The following DPYSL2 variants were observed in gnomAD, a reference collection of about 807,000 sequenced individuals.
DPYSL2 encodes dihydropyrimidinase-related protein 2.
A neutral mutation model predicts 69.9 loss-of-function variants in DPYSL2; 13 were observed. The ratio of observed to expected loss-of-function variants is 0.19; its 90% CI spans 0.12 to 0.30. The LOEUF (loss-of-function observed/expected upper bound fraction) is 0.30, where lower values mean the gene tolerates loss of function less well. Ranked by LOEUF, DPYSL2 falls within the 10% of genes least tolerant of loss-of-function variation. DPYSL2 has a pLI of 1.00. For missense variants in DPYSL2, 587 were observed against 918.9 expected (o/e 0.64, Z 4.67); for synonymous variants, 326 against 359.1 (o/e 0.91, Z 1.04).
chr8:26,631,240 A>G (rs1443721315), intron 7 of DPYSL2, among the ~76,000 whole-genome samples: 2 of 152,216 alleles, frequency 1.3e-5, no homozygotes, highest in Admixed American at 1.3e-4. Flanking sequence ...TATAAAGAAA[A>G]GAGATTTAAT....
chr8:26,568,973 G>A (rs1801194760), intron 1 of DPYSL2, among the ~76,000 whole-genome samples: 1 of 152,128 alleles, frequency 6.6e-6, no homozygotes, highest in Non-Finnish European at 1.5e-5. Flanking sequence ...CAGTAGAAAA[G>A]GAATCTGCTC....
intron 1 of DPYSL2, among the ~76,000 whole-genome samples, chr8:26,528,419 C>T (rs1315800889): frequency 2.6e-5 from 4 of 152,016 alleles, no homozygotes; most frequent in South Asian, 2.1e-4. Context: ...GAGGCTGAGG[C>T]GGGTGGATCC....
rs1010565921 is a variant in DPYSL2, at chr8:26,654,395, C to T, written c.1942+998C>T. 6.6e-6 allele frequency among the ~76,000 whole-genome samples: 1 copy of T among 151,438 alleles called. No homozygotes were observed. Among genetic ancestry groups the T allele is most frequent in the Non-Finnish European group, 1.5e-5 (1 of 67,924 alleles). Reference sequence around the variant, plus strand: ...CTCCCTGGGCCACAGATTCCTATGGCGTATTAAAGAAATTGTTAAACCAGA... The same window carrying T: ...CTCCCTGGGCCACAGATTCCTATGGTGTATTAAAGAAATTGTTAAACCAGA... On this transcript the variant is annotated intron_variant, in intron 13 of 13. Coordinates refer to ENST00000521913, the MANE Select transcript of DPYSL2 (RefSeq NM_001197293.3). This position sits in a 1 kb window ranked among gnomAD's most constrained non-coding sequence, Gnocchi z 5.0.
At position 26,517,922 on chromosome 8, in the gene DPYSL2, G is replaced by A. The variant is rs1808318983; in HGVS notation, c.354+3243G>A. On this transcript the variant is annotated intron_variant, in intron 1 of 13. Transcript: ENST00000521913. The surrounding 1 kb of genome is among the most constrained non-coding windows in gnomAD (Gnocchi z 4.2). Reference sequence around the variant, plus strand: ...CTTCTGGCCCTGGGAGCCCAGTGCTGTGCTGCCCTCTAACTGTACAACGTC... The same window carrying A: ...CTTCTGGCCCTGGGAGCCCAGTGCTATGCTGCCCTCTAACTGTACAACGTC... Among the ~76,000 whole-genome samples, 1 of 152,188 alleles carries A rather than the reference G, an allele frequency of 6.6e-6. No homozygotes were observed. The highest frequency in any genetic ancestry group is 2.1e-4 in the South Asian group (1 of 4,834).
rs1420678012 is a variant in DPYSL2 at position 26,560,104 on chromosome 8, G to T, written c.355-21865G>T. On this transcript the variant is annotated intron_variant, in intron 1 of 13. Transcript: ENST00000521913. The surrounding 1 kb of genome is among the most constrained non-coding windows in gnomAD (Gnocchi z 4.4). ...CTGTTAAAAGAAATAATGCAGATAT[G>T]CTAAGCAGAGTTGGTTTAGCAGAAG... is the stretch of plus-strand genomic sequence containing the variant. Among the ~76,000 whole-genome samples, 1 of 152,220 alleles carries T rather than the reference G, an allele frequency of 6.6e-6. No homozygotes were observed. Among genetic ancestry groups the T allele is most frequent in the African/African-American group, 2.4e-5 (1 of 41,454 alleles).
rs541067685 is a variant in DPYSL2, at chr8:26,534,184, A to AT, written c.354+19513dup. 3.5e-3 allele frequency among the ~76,000 whole-genome samples: 532 copies of AT among 152,036 alleles called. 3 individuals carry two copies. The highest frequency in any genetic ancestry group is 0.012 in the African/African-American group (503 of 41,460). ...ATTTATATGGACTATTTCACTTAAT[A>AT]TTTTTTTTATTTTTGAGACTGAGTC... On this transcript the variant is annotated intron_variant, in intron 1 of 13. Transcript: ENST00000521913.
At chr8:26,551,941 G>C (rs1800880664) in intron 1 of DPYSL2, among the ~76,000 whole-genome samples, 1 of 152,120 alleles carries the variant, frequency 6.6e-6, no homozygotes, top group Non-Finnish European at 1.5e-5. Flanking sequence ...AGTCTCCTGA[G>C]TAGCTGGGAC....
intron 3 of DPYSL2, among the ~76,000 whole-genome samples, chr8:26,602,138 A>ATTTTTTTTTTTTTTTTTTTT (rs374443692): frequency 7.4e-6 from 1 of 135,300 alleles, no homozygotes. Flanking sequence ...AACAAAGGAA[A>ATTTTTTTTTTTTTTTTTTTT]TTTTTTTTTT....
intron 3 of DPYSL2, among the ~76,000 whole-genome samples, chr8:26,604,908 C>A (rs1485960812): frequency 6.6e-6 from 1 of 152,102 alleles, no homozygotes; most frequent in African/African-American, 2.4e-5. Flanking sequence ...TATTCACCCA[C>A]CTCGGCCTCC....
intron 1 of DPYSL2, among the ~76,000 whole-genome samples, chr8:26,574,884 A>C (rs1801302201): frequency 6.6e-6 from 1 of 152,084 alleles, no homozygotes; most frequent in Non-Finnish European, 1.5e-5. Context: ...CCCTGCCCCC[A>C]GTAGCTGGGA....
chr8:26,653,149 G>A lies in DPYSL2; in HGVS notation c.1777-83G>A. ...AGCCCTCCATCCCTAGATCTCACAG[G>A]CCCATCCTCCCTCCAGGAGGGTTTC... On this transcript the variant is annotated intron_variant, in intron 12 of 13. Transcript: ENST00000521913. The surrounding 1 kb of genome is among the most constrained non-coding windows in gnomAD (Gnocchi z 5.7). The A allele has an allele frequency of 1.3e-6, 2 of 1,496,440 alleles. No individual in the cohort carries two copies. The highest frequency in any genetic ancestry group is 1.8e-6 in the Non-Finnish European group (2 of 1,104,182). 92.7% of individuals were successfully genotyped at this position (1,496,440 alleles called of 1,614,324 possible). A position where few individuals can be genotyped will look rare whatever the true frequency, so the allele number is the denominator to read the frequency against.
At chr8:26,554,342 A>T (rs763449645) in intron 1 of DPYSL2, among the ~76,000 whole-genome samples, 14 of 144,318 alleles carry the variant, frequency 9.7e-5, no homozygotes, top group Non-Finnish European at 2.0e-4. Flanking sequence ...GTGTCTGTTC[A>T]TGTCCTTTGC....
chr8:26,639,248 G>A (rs1802988521), intron 8 of DPYSL2, among the ~76,000 whole-genome samples: 1 of 152,124 alleles, frequency 6.6e-6, no homozygotes, highest in South Asian at 2.1e-4. Flanking sequence ...AGAGGAGAGA[G>A]GACAGTAGAG....
At chr8:26,573,814 G>A (rs531200678) in intron 1 of DPYSL2, among the ~76,000 whole-genome samples, 2 of 144,806 alleles carry the variant, frequency 1.4e-5, no homozygotes, top group South Asian at 4.7e-4. Flanking sequence ...TCCAGCCTGG[G>A]CGACAGAGTG....
intron 7 of DPYSL2, among the ~76,000 whole-genome samples, chr8:26,628,692 C>G (rs997812190): frequency 1.3e-5 from 2 of 152,218 alleles, no homozygotes; most frequent in African/African-American, 4.8e-5. Flanking sequence ...AGGGAACCAC[C>G]AGGATTTCCC....
Position 26,565,784 on chromosome 8 carries a change from A to T in DPYSL2, c.355-16185A>T, listed in dbSNP as rs144794076. On this transcript the variant is annotated intron_variant, in intron 1 of 13. Coordinates refer to ENST00000521913, the MANE Select transcript of DPYSL2 (RefSeq NM_001197293.3). This position sits in a 1 kb window ranked among gnomAD's most constrained non-coding sequence, Gnocchi z 4.1. Reference sequence around the variant, plus strand: ...GAGAAAGGTACAGGGTCCCCGCTCCATGCAATTAACTGGAAAGTCAAACTG... The same window carrying T: ...GAGAAAGGTACAGGGTCCCCGCTCCTTGCAATTAACTGGAAAGTCAAACTG... Among the ~76,000 whole-genome samples the T allele has an allele frequency of 1.3e-5, 2 of 152,336 alleles. No homozygotes were observed. The highest frequency in any genetic ancestry group is 4.8e-5 in the African/African-American group (2 of 41,584).
chr8:26,645,889 C>G (rs1201625669), intron 10 of DPYSL2, among the ~76,000 whole-genome samples: 3 of 148,542 alleles, frequency 2.0e-5, no homozygotes, highest in Non-Finnish European at 4.5e-5. Context: ...CTGGGGGAGA[C>G]AGTTTCACTC....
At position 26,653,440 on chromosome 8, in the gene DPYSL2, C is replaced by G; in HGVS notation, c.1942+43C>G. Reference sequence around the variant, plus strand: ...GGAGGGCACAGTTCTGCAGGGCCAGCTCGCTGGTGCTGGCGAGGCTACAGT... The same window carrying G: ...GGAGGGCACAGTTCTGCAGGGCCAGGTCGCTGGTGCTGGCGAGGCTACAGT... On this transcript the variant is annotated intron_variant, in intron 13 of 13. Transcript: ENST00000521913. This position sits in a 1 kb window ranked among gnomAD's most constrained non-coding sequence, Gnocchi z 5.7. 6.4e-7 allele frequency: 1 copy of G among 1,568,558 alleles called. No individual in the cohort carries two copies. The highest frequency in any genetic ancestry group is 8.7e-7 in the Non-Finnish European group (1 of 1,155,504).
chr8:26,646,658 C>G (rs1253203193), intron 10 of DPYSL2, among the ~76,000 whole-genome samples: 3 of 152,080 alleles, frequency 2.0e-5, no homozygotes, highest in Non-Finnish European at 4.4e-5. Context: ...GCACCTAAAA[C>G]CAGATGTGGG....
Sources: gnomAD v4.1 joint callset for allele counts (sites outside exome capture counted in the v4.1 genomes callset) on GRCh38, gnomAD v4.1.1 for gene constraint, Gnocchi (gnomAD v3.1) non-coding constraint, MANE v1.5 for transcripts, NCBI Gene and HGNC (gene_info 2026-07-23, HGNC 2026-07-21) for gene names.